The following LRMDA variants were observed in gnomAD, a reference collection of about 807,000 sequenced individuals.
LRMDA encodes leucine rich melanocyte differentiation associated, also known as leucine-rich melanocyte differentiation-associated protein.
A neutral mutation model predicts 29.8 loss-of-function variants in LRMDA; 18 were observed. The observed-to-expected ratio is 0.60, with a 90% CI of 0.42 to 0.90. The LOEUF is 0.90. LRMDA is among the 40% of genes least tolerant of loss of function. The probability of loss-of-function intolerance (pLI) is 0.00; values close to 1 mark genes in which losing one functional copy is unlikely to be tolerated. For synonymous variants in LRMDA, 125 were observed against 109.4 expected, an observed-to-expected ratio of 1.14 and a Z score of -0.89; for missense variants, 273 against 273.9, an observed-to-expected ratio of 1.00 and a Z score of 0.02.
At chr10:76,113,673 C>A (rs1849617142) in intron 5 of LRMDA, among the ~76,000 whole-genome samples, 1 of 152,156 alleles carries the variant, frequency 6.6e-6, no homozygotes, top group African/African-American at 2.4e-5. Flanking sequence ...GTAAAAGCCA[C>A]ACAAGGCAGT....
chr10:75,441,841 T>G (rs1253635399), intron 2 of LRMDA, among the ~76,000 whole-genome samples: 1 of 152,234 alleles, frequency 6.6e-6, no homozygotes, highest in African/African-American at 2.4e-5. Flanking sequence ...ATAAAAACTT[T>G]GCACTCCTCT....
At chr10:76,174,552 T>C (rs1357999246) in intron 5 of LRMDA, among the ~76,000 whole-genome samples, 1 of 152,196 alleles carries the variant, frequency 6.6e-6, no homozygotes, top group Non-Finnish European at 1.5e-5. Context: ...CTCATTGTTG[T>C]AGAGCACTGG....
At chr10:76,233,107 G>A (rs1589386710) in intron 5 of LRMDA, among the ~76,000 whole-genome samples, 1 of 152,208 alleles carries the variant, frequency 6.6e-6, no homozygotes, top group East Asian at 1.9e-4. Flanking sequence ...TAATCAGCTT[G>A]GAGGTGGGAT....
chr10:75,848,782 G>C (rs1233911007), intron 2 of LRMDA, among the ~76,000 whole-genome samples: 1 of 152,144 alleles, frequency 6.6e-6, no homozygotes, highest in African/African-American at 2.4e-5. Flanking sequence ...AGCCACACCT[G>C]CATCACTCTT....
At chr10:76,247,592 C>T (rs1303396425) in intron 5 of LRMDA, among the ~76,000 whole-genome samples, 1 of 152,146 alleles carries the variant, frequency 6.6e-6, no homozygotes, top group African/African-American at 2.4e-5. Context: ...TTAAAAATGG[C>T]CACTTTTATT....
chr10:76,085,215 T>G (rs1030962453), intron 5 of LRMDA, among the ~76,000 whole-genome samples: 1 of 152,116 alleles, frequency 6.6e-6, no homozygotes, highest in African/African-American at 2.4e-5. Context: ...GTCAGGCATA[T>G]GGACAGGAAA....
chr10:75,432,468 G>A (rs1844211181), intron 1 of LRMDA, among the ~76,000 whole-genome samples: 1 of 152,336 alleles, frequency 6.6e-6, no homozygotes, highest in South Asian at 2.1e-4. Context: ...AGCCTCAGGT[G>A]TTCATTGTTG....
intron 5 of LRMDA, chr10:76,270,172 C>T (rs561163815): frequency 2.0e-5 from 3 of 152,144 alleles, no homozygotes; most frequent in Non-Finnish European, 4.4e-5. Context: ...ACAATAGACA[C>T]GTAAAGAAAT....
chr10:76,143,466 GT>G (rs1365459662), intron 5 of LRMDA, among the ~76,000 whole-genome samples: 2 of 152,060 alleles, frequency 1.3e-5, no homozygotes, highest in African/African-American at 2.4e-5. Context: ...TTTTTCATGT[GT>G]TTTTTGGCTG....
At chr10:75,857,523 T>C (rs1844848873) in intron 2 of LRMDA, among the ~76,000 whole-genome samples, 1 of 152,208 alleles carries the variant, frequency 6.6e-6, no homozygotes, top group Non-Finnish European at 1.5e-5. Flanking sequence ...AAACAAAGGA[T>C]TGATTCAGCA....
Position 75,941,988 on chromosome 10 carries a change from T to C in LRMDA, c.132-94020T>C, listed in dbSNP as rs528027232. ...ACCTCTGCAGTCTGTATTATTATTT[T>C]ACATATTATACATTTTGTGTGGATT... is the stretch of plus-strand genomic sequence containing the variant. On this transcript the variant is annotated intron_variant, in intron 2 of 6. Coordinates refer to ENST00000611255, the MANE Select transcript of LRMDA (RefSeq NM_001305581.2). Among the ~76,000 whole-genome samples the C allele has an allele frequency of 8.5e-5, 13 of 152,324 alleles. No individual in the cohort carries two copies. The East Asian group carries it at 1.4e-3, about 16-fold the overall frequency.
intron 5 of LRMDA, among the ~76,000 whole-genome samples, chr10:76,167,122 T>C (rs971811490): frequency 6.6e-6 from 1 of 152,230 alleles, no homozygotes; most frequent in Non-Finnish European, 1.5e-5. Context: ...TTGAAAAGTG[T>C]CTGTGTTTCT....
chr10:76,043,172 G>A (rs1848369362), intron 3 of LRMDA, among the ~76,000 whole-genome samples: 1 of 152,116 alleles, frequency 6.6e-6, no homozygotes, highest in Non-Finnish European at 1.5e-5. Flanking sequence ...TGATGTGTAG[G>A]CATGTATACA....
intron 2 of LRMDA, 45 bp downstream of exon 2, chr10:75,438,539 T>G: frequency 2.1e-6 from 3 of 1,429,836 alleles, no homozygotes; most frequent in African/African-American, 1.4e-5. Context: ...GGAGGCCCAG[T>G]CCTCCTGGGT....
At chr10:76,536,527 C>G (rs970881707) in intron 6 of LRMDA, among the ~76,000 whole-genome samples, 1 of 152,028 alleles carries the variant, frequency 6.6e-6, no homozygotes, top group Non-Finnish European at 1.5e-5. Context: ...CATGTTCCCA[C>G]CTTTCCTACT....
intron 2 of LRMDA, among the ~76,000 whole-genome samples, chr10:75,772,779 A>G (rs1375544304): frequency 7.0e-6 from 1 of 143,406 alleles, no homozygotes; most frequent in Non-Finnish European, 1.5e-5. Flanking sequence ...GTTTAGGTAT[A>G]TATTGGTCAT....
intron 5 of LRMDA, among the ~76,000 whole-genome samples, chr10:76,111,198 G>A (rs1049253687): frequency 2.6e-5 from 4 of 152,158 alleles, no homozygotes; most frequent in Non-Finnish European, 5.9e-5. Flanking sequence ...AAAGCAGCCT[G>A]TACCTCTCCT....
chr10:75,906,379 T>C lies in LRMDA; in HGVS notation c.132-129629T>C, dbSNP rs373225549. 4.5e-4 allele frequency among the ~76,000 whole-genome samples: 68 copies of C among 152,350 alleles called. 1 individual carries two copies. The South Asian group carries it at 0.014, about 32-fold the overall frequency. On this transcript the variant is annotated intron_variant, in intron 2 of 6. Coordinates refer to ENST00000611255, the MANE Select transcript of LRMDA (RefSeq NM_001305581.2). ...ACCATTATCTCCATTAGCTTTATTT[T>C]GCCCCTGAGAACACTGAGGCACAGA...
chr10:76,290,177 T>G (rs528013948), intron 5 of LRMDA, among the ~76,000 whole-genome samples: 1 of 152,294 alleles, frequency 6.6e-6, no homozygotes, highest in African/African-American at 2.4e-5. Context: ...CAAACTTTAT[T>G]GTTACAATCT....
Sources: allele counts gnomAD v4.1 joint callset (sites outside exome capture counted in the v4.1 genomes callset), GRCh38; gene constraint gnomAD v4.1.1; transcripts MANE v1.5; gene names NCBI Gene and HGNC (gene_info 2026-07-23, HGNC 2026-07-21).